The following NOS1AP variants were observed in gnomAD, a reference collection of about 807,000 sequenced individuals.
NOS1AP encodes the protein nitric oxide synthase 1 adaptor protein, also known as carboxyl-terminal PDZ ligand of neuronal nitric oxide synthase protein.
NOS1AP carries 21 observed loss-of-function variants against 56.2 expected under a neutral mutation model. The observed-to-expected ratio is 0.37, with a 90% confidence interval of 0.26 to 0.54. The LOEUF (loss-of-function observed/expected upper bound fraction) is 0.54, where lower values mean the gene tolerates loss of function less well. Ranked by LOEUF, NOS1AP falls within the 20% of genes least tolerant of loss-of-function variation. The pLI, the probability that NOS1AP is intolerant of heterozygous loss-of-function variation, is 0.84. For missense variants in NOS1AP, 522 were observed against 657.8 expected (o/e 0.79, Z 2.26); for synonymous variants, 270 against 274.6 (o/e 0.98, Z 0.17).
At chr1:162,194,492 G>A (rs964772977) in intron 2 of NOS1AP, among the ~76,000 whole-genome samples, 1 of 152,140 alleles carries the variant, frequency 6.6e-6, no homozygotes, top group Non-Finnish European at 1.5e-5. Context: ...AGGGCACTGT[G>A]GTTTCTACTT....
intron 1 of NOS1AP, among the ~76,000 whole-genome samples, chr1:162,145,897 G>T (rs796400058): frequency 4.5e-4 from 68 of 152,324 alleles, no homozygotes; most frequent in African/African-American, 1.6e-3. Flanking sequence ...AAGGGAGAGA[G>T]TTTGGAAGAA....
intron 2 of NOS1AP, among the ~76,000 whole-genome samples, chr1:162,216,608 A>G (rs1028015600): frequency 3.3e-5 from 5 of 152,236 alleles, no homozygotes; most frequent in Admixed American, 2.0e-4. Context: ...GAATATTACA[A>G]TTTGTCCTGT....
intron 1 of NOS1AP, among the ~76,000 whole-genome samples, chr1:162,088,876 G>A (rs546224484): frequency 3.3e-5 from 5 of 152,172 alleles, no homozygotes; most frequent in African/African-American, 9.6e-5. Context: ...CTGTGGTAAC[G>A]TCTTTATGAA....
intron 2 of NOS1AP, among the ~76,000 whole-genome samples, chr1:162,245,933 C>T (rs1043405007): frequency 6.6e-6 from 1 of 152,244 alleles, no homozygotes; most frequent in African/African-American, 2.4e-5. Context: ...CTGGCTCCAA[C>T]TGCTAGCTCC....
chr1:162,202,376 ATATTT>A (rs1652023070), intron 2 of NOS1AP, among the ~76,000 whole-genome samples: 1 of 152,142 alleles, frequency 6.6e-6, no homozygotes, highest in Non-Finnish European at 1.5e-5. Context: ...GTATTTTTGT[ATATTT>A]TATTTTATTT....
intron 2 of NOS1AP, among the ~76,000 whole-genome samples, chr1:162,169,954 G>A (rs1326764196): frequency 6.6e-6 from 1 of 151,924 alleles, no homozygotes; most frequent in Non-Finnish European, 1.5e-5. Flanking sequence ...TCCCTTTCCT[G>A]CCTGTATGGT....
At chr1:162,071,501 C>CT (rs1353632967) in intron 1 of NOS1AP, among the ~76,000 whole-genome samples, 2 of 152,146 alleles carry the variant, frequency 1.3e-5, no homozygotes, top group South Asian at 4.2e-4. Flanking sequence ...TGAAGCTCAC[C>CT]TTTTTTTCCC....
intron 1 of NOS1AP, among the ~76,000 whole-genome samples, chr1:162,107,837 T>A (rs1647571502): frequency 6.6e-6 from 1 of 152,168 alleles, no homozygotes; most frequent in African/African-American, 2.4e-5. Flanking sequence ...CAGAAAACAC[T>A]GTAGGCTGTT....
At chr1:162,160,506 G>A (rs1650156667) in intron 2 of NOS1AP, among the ~76,000 whole-genome samples, 1 of 152,220 alleles carries the variant, frequency 6.6e-6, no homozygotes, top group African/African-American at 2.4e-5. Context: ...GACTGGAGTT[G>A]TGAGTGCCGC....
intron 2 of NOS1AP, among the ~76,000 whole-genome samples, chr1:162,284,759 G>T (rs565786097): frequency 6.6e-6 from 1 of 152,192 alleles, no homozygotes; most frequent in African/African-American, 2.4e-5. Context: ...TGTAGAAATA[G>T]ATAAGGTTTC....
intron 2 of NOS1AP, among the ~76,000 whole-genome samples, chr1:162,226,610 G>A (rs1335505029): frequency 6.6e-6 from 1 of 152,136 alleles, no homozygotes; most frequent in Non-Finnish European, 1.5e-5. Flanking sequence ...TTAATTTGGG[G>A]GCATCAGGAA....
intron 2 of NOS1AP, among the ~76,000 whole-genome samples, chr1:162,182,446 A>T (rs1414877377): frequency 6.6e-6 from 1 of 152,220 alleles, no homozygotes; most frequent in African/African-American, 2.4e-5. Context: ...AGGGTGCTGG[A>T]TGCTGAAGGT....
chr1:162,073,615 C>T (rs1337603236), intron 1 of NOS1AP, among the ~76,000 whole-genome samples: 1 of 152,200 alleles, frequency 6.6e-6, no homozygotes, highest in Non-Finnish European at 1.5e-5. Flanking sequence ...CATGCGCCAC[C>T]ATGCCCAGCT....
intron 2 of NOS1AP, among the ~76,000 whole-genome samples, chr1:162,197,470 T>C (rs76635132): frequency 5.3e-5 from 8 of 152,306 alleles, no homozygotes; most frequent in African/African-American, 1.9e-4. Context: ...TGGATCTTAC[T>C]GGGAGCTTTC....
At chr1:162,071,506 T>C (rs1244986256) in intron 1 of NOS1AP, among the ~76,000 whole-genome samples, 1 of 152,220 alleles carries the variant, frequency 6.6e-6, no homozygotes, top group Non-Finnish European at 1.5e-5. Flanking sequence ...CTCACCTTTT[T>C]TTCCCCCTGA....
chr1:162,161,625 C>T (rs1004070309), intron 2 of NOS1AP, among the ~76,000 whole-genome samples: 1 of 151,864 alleles, frequency 6.6e-6, no homozygotes, highest in Non-Finnish European at 1.5e-5. Flanking sequence ...TGGGCTCTTG[C>T]TCTGTCACCC....
intron 1 of NOS1AP, among the ~76,000 whole-genome samples, chr1:162,129,309 A>G (rs1184283991): frequency 1.3e-5 from 2 of 152,086 alleles, no homozygotes; most frequent in East Asian, 1.9e-4. Flanking sequence ...TGTCCTCCCC[A>G]TAATTGTATA....
intron 2 of NOS1AP, among the ~76,000 whole-genome samples, chr1:162,214,615 G>C (rs894976436): frequency 1.3e-5 from 2 of 151,972 alleles, no homozygotes; most frequent in East Asian, 3.9e-4. Context: ...CTCCTTTACT[G>C]TCAAGCTGCA....
intron 1 of NOS1AP, among the ~76,000 whole-genome samples, chr1:162,121,721 A>G (rs1442537773): frequency 6.6e-6 from 1 of 152,202 alleles, no homozygotes. Context: ...TAACAGTGAA[A>G]GTTAGCAATC....
Sources: allele counts gnomAD v4.1 joint callset (sites outside exome capture counted in the v4.1 genomes callset), GRCh38; gene constraint gnomAD v4.1.1; transcripts MANE v1.5; gene names NCBI Gene and HGNC (gene_info 2026-07-23, HGNC 2026-07-21).